Variants in CSMD1 observed in about 807,000 individuals in gnomAD.
CSMD1 encodes the protein CUB and sushi domain-containing protein 1.
CSMD1 carries 213 observed loss-of-function variants against 417.5 expected under a neutral mutation model. That is an observed-to-expected ratio of 0.51 (90% CI 0.46 to 0.57). The LOEUF (loss-of-function observed/expected upper bound fraction) is 0.57. Among genes scored for constraint, CSMD1 ranks in the 20% least tolerant of loss-of-function variants. CSMD1 has a pLI of 0.00. For missense variants in CSMD1, 6,923 were observed against 4,529.7 expected, an observed-to-expected ratio of 1.53 and a Z score of -15.17; for synonymous variants, 2,862 against 1,736.8, an observed-to-expected ratio of 1.65 and a Z score of -16.11.
At chr8:3,904,466 C>A (rs748963087) in intron 5 of CSMD1, among the ~76,000 whole-genome samples, 1 of 152,132 alleles carries the variant, frequency 6.6e-6, no homozygotes, top group Non-Finnish European at 1.5e-5. Flanking sequence ...TCAGTAAATG[C>A]ACATTTGGCC....
At chr8:4,678,776 T>C (rs1411365623) in intron 1 of CSMD1, among the ~76,000 whole-genome samples, 1 of 152,208 alleles carries the variant, frequency 6.6e-6, no homozygotes, top group Non-Finnish European at 1.5e-5. Flanking sequence ...GTCTCTCGTC[T>C]TACCTTTGAG....
At chr8:3,873,168 A>G (rs931719469) in intron 5 of CSMD1, among the ~76,000 whole-genome samples, 1 of 152,188 alleles carries the variant, frequency 6.6e-6, no homozygotes, top group Non-Finnish European at 1.5e-5. Context: ...ACCTAAAAAC[A>G]GAACTACCAT....
chr8:4,240,668 C>T (rs533971707), intron 3 of CSMD1, among the ~76,000 whole-genome samples: 1 of 152,176 alleles, frequency 6.6e-6, no homozygotes, highest in Non-Finnish European at 1.5e-5. Context: ...TTATACACTC[C>T]TGGCTCCCAT....
chr8:4,572,908 C>T (rs1180302189), intron 2 of CSMD1, among the ~76,000 whole-genome samples: 3 of 152,048 alleles, frequency 2.0e-5, no homozygotes, highest in South Asian at 2.1e-4. Flanking sequence ...TTGATCAATT[C>T]GGCTACTGAT....
intron 3 of CSMD1, among the ~76,000 whole-genome samples, chr8:4,180,102 A>T (rs1395367689): frequency 1.3e-5 from 2 of 152,148 alleles, no homozygotes; most frequent in African/African-American, 2.4e-5. Flanking sequence ...ACTATAAATC[A>T]TGCTGCTATG....
At chr8:3,082,897 T>C (rs10102411) in intron 49 of CSMD1, among the ~76,000 whole-genome samples, 60,278 of 152,058 alleles carry the variant, frequency 0.4, 12,191 homozygotes, top group African/African-American at 0.46. Context: ...GAGATTCTCA[T>C]GTCCCAGCTT....
intron 7 of CSMD1, among the ~76,000 whole-genome samples, chr8:3,621,451 G>A (rs547491658): frequency 6.6e-6 from 1 of 152,252 alleles, no homozygotes; most frequent in South Asian, 2.1e-4. Context: ...GGAAAGAGAA[G>A]AAGGAATATA....
At chr8:3,668,627 C>A (rs147419660) in intron 7 of CSMD1, among the ~76,000 whole-genome samples, 1 of 152,000 alleles carries the variant, frequency 6.6e-6, no homozygotes, top group South Asian at 2.1e-4. Context: ...GGAGAAGAGA[C>A]GATCCTGAAC....
intron 40 of CSMD1, among the ~76,000 whole-genome samples, chr8:3,147,023 G>T (rs556972774): frequency 6.6e-6 from 1 of 152,110 alleles, no homozygotes; most frequent in South Asian, 2.1e-4. Flanking sequence ...GGGCAATAAC[G>T]TCTTATATTC....
At chr8:4,273,388 A>G (rs192456998) in intron 3 of CSMD1, among the ~76,000 whole-genome samples, 9 of 152,166 alleles carry the variant, frequency 5.9e-5, no homozygotes, top group South Asian at 2.1e-4. Context: ...TCTGGATTTC[A>G]TATCAGATAA....
rs866999286 is a variant in CSMD1, at chr8:4,798,216, A to G, written c.86-160658T>C. ...TGTGATGTTCCCCTTCTTGTGTCCA[A>G]GTGTTCTCATTGTTCAGTTCCCACC... On this transcript the variant is annotated intron_variant, in intron 1 of 69. Coordinates refer to ENST00000635120, the MANE Select transcript of CSMD1 (RefSeq NM_033225.6). Among the ~76,000 whole-genome samples, 10 of 152,096 alleles carry G rather than the reference A, an allele frequency of 6.6e-5. No homozygotes were observed. In the South Asian group the frequency reaches 8.3e-4, roughly 13 times the overall value.
intron 3 of CSMD1, among the ~76,000 whole-genome samples, chr8:4,111,231 G>A (rs999190545): frequency 1.4e-4 from 22 of 152,104 alleles, no homozygotes; most frequent in Admixed American, 2.6e-4. Context: ...TTGGTTCCAC[G>A]TCTTTGCTTT....
intron 1 of CSMD1, among the ~76,000 whole-genome samples, chr8:4,911,216 C>A (rs1189541233): frequency 6.6e-6 from 1 of 152,198 alleles, no homozygotes; most frequent in Non-Finnish European, 1.5e-5. Flanking sequence ...GGCTTTTCCT[C>A]AAATTCTGTC....
At position 4,376,731 on chromosome 8, in the gene CSMD1, A is replaced by G. The variant is rs77124136; in HGVS notation, c.415+43222T>C. On this transcript the variant is annotated intron_variant, in intron 3 of 69. Coordinates refer to ENST00000635120, the MANE Select transcript of CSMD1 (RefSeq NM_033225.6). ...GCAAACTGATTGCATTTTAACTTGC[A>G]CTGCTTTATTCACCCAGCTGCAATA... Among the ~76,000 whole-genome samples the G allele has an allele frequency of 7.8e-4, 119 of 152,340 alleles. No homozygotes were observed. In the East Asian group the frequency reaches 0.02, roughly 26 times the overall value.
At position 3,307,791 on chromosome 8, in the gene CSMD1, G is replaced by T; in HGVS notation, c.3854C>A (p.Thr1285Lys). Residue 1285 changes from threonine (T) to lysine (K), a missense_variant, in exon 25 of 70, where the codon ACA (threonine) becomes AAA (lysine). By Grantham distance (78) the Thr-to-Lys change is moderately conservative. Transcript: ENST00000635120. ...GCCAGGGGACAATATTCGTCCTGAT[G>T]TGGCTGCATGGATCTGACCACCACA... ...AECGGQIHAATSGRILSPGYP... is the reference protein window; with the variant it reads ...AECGGQIHAAKSGRILSPGYP... 6.2e-7 allele frequency: 1 copy of T among 1,613,652 alleles called. No individual in the cohort carries two copies. The highest frequency in any genetic ancestry group is 8.5e-7 in the Non-Finnish European group (1 of 1,179,646).
At chr8:4,288,311 C>G (rs75691402) in intron 3 of CSMD1, among the ~76,000 whole-genome samples, 1 of 152,024 alleles carries the variant, frequency 6.6e-6, no homozygotes, top group Non-Finnish European at 1.5e-5. Flanking sequence ...ATTTTTGGGG[C>G]CACCCTGAAG....
rs148939145 is a variant in CSMD1, at chr8:4,369,274, G to A, written c.415+50679C>T. On this transcript the variant is annotated intron_variant, in intron 3 of 69. Coordinates refer to ENST00000635120, the MANE Select transcript of CSMD1 (RefSeq NM_033225.6). ...TGGCTCTGATGGGTCTTTCTGATAC[G>A]ACTTCATTTTTGTTTGTGCTGTTTT... 2.2e-4 allele frequency among the ~76,000 whole-genome samples: 34 copies of A among 152,018 alleles called. No homozygotes were observed. The East Asian group carries it at 6.2e-3, about 28-fold the overall frequency.
intron 1 of CSMD1, among the ~76,000 whole-genome samples, chr8:4,860,527 C>T (rs1477189176): frequency 6.6e-6 from 1 of 152,030 alleles, no homozygotes; most frequent in East Asian, 1.9e-4. Flanking sequence ...TGAGGCCTCG[C>T]TGGAACTTGA....
At chr8:3,671,227 T>C (rs1415688142) in intron 7 of CSMD1, among the ~76,000 whole-genome samples, 1 of 145,540 alleles carries the variant, frequency 6.9e-6, no homozygotes, top group Non-Finnish European at 1.5e-5. Context: ...GATGTATGTA[T>C]ATGGGATATA....
Sources: allele counts gnomAD v4.1 joint callset (sites outside exome capture counted in the v4.1 genomes callset), GRCh38; gene constraint gnomAD v4.1.1; transcripts MANE v1.5; gene names NCBI Gene and HGNC (gene_info 2026-07-23, HGNC 2026-07-21).